Variants in NEK10 observed in about 807,000 individuals in gnomAD.
NEK10 encodes serine/threonine-protein kinase Nek10.
In NEK10, 122 loss-of-function variants were observed where a neutral mutation model predicts 159.8. That is an observed-to-expected ratio of 0.76 (90% CI 0.66 to 0.89). NEK10 has a LOEUF of 0.89. Among genes scored for constraint, NEK10 ranks in the 40% least tolerant of loss-of-function variants. The pLI, the probability that NEK10 is intolerant of heterozygous loss-of-function variation, is 0.00. For missense variants in NEK10, 1,342 were observed against 1,323.1 expected, an observed-to-expected ratio of 1.01 and a Z score of -0.22; for synonymous variants, 466 against 457.1, an observed-to-expected ratio of 1.02 and a Z score of -0.25.
chr3:27,177,750 C>T (rs1204931885), intron 26 of NEK10, among the ~76,000 whole-genome samples: 2 of 152,094 alleles, frequency 1.3e-5, no homozygotes, highest in Non-Finnish European at 2.9e-5. Flanking sequence ...CACTTTAGTC[C>T]ATTTTAAATC....
At chr3:27,122,628 A>G (rs1384424360) in intron 32 of NEK10, among the ~76,000 whole-genome samples, 1 of 152,164 alleles carries the variant, frequency 6.6e-6, no homozygotes, top group East Asian at 1.9e-4. Flanking sequence ...CTTTCAAATG[A>G]CTTCAGATGG....
At chr3:27,114,827 T>A (rs1940150117) in intron 35 of NEK10, among the ~76,000 whole-genome samples, 1 of 151,598 alleles carries the variant, frequency 6.6e-6, no homozygotes, top group Non-Finnish European at 1.5e-5. Flanking sequence ...CCAGATAGAG[T>A]GTGTGTGTGG....
intron 30 of NEK10, among the ~76,000 whole-genome samples, chr3:27,151,834 T>C (rs959777432): frequency 4.6e-5 from 7 of 152,108 alleles, no homozygotes; most frequent in African/African-American, 4.8e-5. Context: ...TCAGGTAACA[T>C]TGGACACACT....
chr3:27,308,089 T>C, intron 10 of NEK10, 144 bp from the exon 11 acceptor site: 2 of 561,574 alleles, frequency 3.6e-6, no homozygotes, highest in Middle Eastern at 4.7e-4. Flanking sequence ...CAGTTCAGCA[T>C]GGCTAGGGAG....
At chr3:27,222,283 G>A (rs1203350003) in intron 23 of NEK10, among the ~76,000 whole-genome samples, 1 of 152,186 alleles carries the variant, frequency 6.6e-6, no homozygotes. Flanking sequence ...TGAGACGGGA[G>A]AATTACTTGA....
At chr3:27,196,564 C>T (rs1223134165) in intron 25 of NEK10, among the ~76,000 whole-genome samples, 1 of 152,136 alleles carries the variant, frequency 6.6e-6, no homozygotes, top group African/African-American at 2.4e-5. Flanking sequence ...CGCTCTAAAC[C>T]TTTACACTCC....
chr3:27,119,621 T>A, intron 33 of NEK10, 139 bp downstream of exon 33: 1 of 607,076 alleles, frequency 1.6e-6, no homozygotes, highest in South Asian at 2.5e-5. Context: ...CTACCATATG[T>A]GCCTTCCAAC....
chr3:27,187,201 T>C (rs898744525), intron 26 of NEK10, among the ~76,000 whole-genome samples: 2 of 152,130 alleles, frequency 1.3e-5, no homozygotes, highest in South Asian at 2.1e-4. Context: ...CAGGGGCCAA[T>C]AGAAGAAGTC....
chr3:27,119,790 C>T lies in NEK10; in HGVS notation c.3160G>A (p.Gly1054Arg), dbSNP rs1177159174. The part of the protein sequence containing the change: ...DYHLLHRSSG[G>R]NSLSPNDPTG... ...GGGTCATTTGGGGACAGGCTGTTTC[C>T]ACCGGATGAACGATGTAATAAATGG... The change falls in exon 33 of 36, where the codon GGA (glycine) becomes AGA (arginine). Residue 1054 changes from glycine (G) to arginine (R), a missense_variant. Gly to Arg is a moderately radical substitution (Grantham distance 125, BLOSUM62 -2). Transcript: ENST00000691995. The T allele has an allele frequency of 4.3e-6, 7 of 1,613,788 alleles. No individual in the cohort carries two copies. In the African/African-American group the frequency reaches 8.0e-5, roughly 18 times the overall value.
chr3:27,207,326 A>T (rs528344146), intron 23 of NEK10, among the ~76,000 whole-genome samples: 1 of 152,310 alleles, frequency 6.6e-6, no homozygotes, highest in African/African-American at 2.4e-5. Flanking sequence ...AGGTATGAGA[A>T]ATTGAAGAAG....
At chr3:27,133,713 G>A (rs1458753586) in intron 31 of NEK10, among the ~76,000 whole-genome samples, 1 of 152,254 alleles carries the variant, frequency 6.6e-6, no homozygotes. Flanking sequence ...GGTGGAGGTT[G>A]TGGTGAGCTG....
chr3:27,285,680 T>C (rs149249862), intron 20 of NEK10, among the ~76,000 whole-genome samples: 539 of 152,290 alleles, frequency 3.5e-3, no homozygotes, highest in African/African-American at 0.012. Context: ...CTAAAACCAA[T>C]AGGGTTTATT....
intron 30 of NEK10, among the ~76,000 whole-genome samples, chr3:27,161,483 C>G (rs1389542066): frequency 6.6e-6 from 1 of 152,146 alleles, no homozygotes; most frequent in Non-Finnish European, 1.5e-5. Flanking sequence ...ATCAAGGAAG[C>G]TGAAGTGAAA....
At position 27,210,771 on chromosome 3, in the gene NEK10, C is replaced by T. The variant is rs1379449103; in HGVS notation, c.2091-8214G>A. On this transcript the variant is annotated intron_variant, in intron 23 of 35. Transcript: ENST00000691995. ...TTATAGACTCAAATTATCAAACCTT[C>T]AGAAGGGTGAGGAAGGAGGAAGTTA... 5.3e-5 allele frequency among the ~76,000 whole-genome samples: 8 copies of T among 152,312 alleles called. No homozygotes were observed. The East Asian group carries it at 9.7e-4, about 18-fold the overall frequency.
At chr3:27,289,929 A>G (rs2042882322) in intron 19 of NEK10, among the ~76,000 whole-genome samples, 1 of 152,258 alleles carries the variant, frequency 6.6e-6, no homozygotes, top group African/African-American at 2.4e-5. Context: ...TGCTATGCAA[A>G]TGTGACCAGT....
At chr3:27,309,293 C>T (rs1347307429) in intron 9 of NEK10, 1 of 181,162 alleles carries the variant, frequency 5.5e-6, no homozygotes, top group Non-Finnish European at 1.1e-5. Flanking sequence ...TCTTTATAAA[C>T]ACTTTTTGTC....
At chr3:27,310,731 GAA>G (rs1439114121) in intron 9 of NEK10, 1 of 405,008 alleles carries the variant, frequency 2.5e-6, no homozygotes, top group East Asian at 3.7e-5. Context: ...GGAAAAAAAA[GAA>G]AAGAGTTCCA....
At chr3:27,351,057 G>A (rs527370633) in intron 3 of NEK10, among the ~76,000 whole-genome samples, 124 of 152,186 alleles carry the variant, frequency 8.1e-4, no homozygotes, top group Admixed American at 3.4e-3. Flanking sequence ...TTTCCAAAGC[G>A]CAGGAGAAAA....
intron 1 of NEK10, among the ~76,000 whole-genome samples, chr3:27,357,673 C>T (rs2048410191): frequency 6.6e-6 from 1 of 152,182 alleles, no homozygotes; most frequent in Non-Finnish European, 1.5e-5. Context: ...TTTATCTGCT[C>T]ATGGACCAGT....
Sources: gnomAD v4.1 joint callset for allele counts (sites outside exome capture counted in the v4.1 genomes callset) on GRCh38, gnomAD v4.1.1 for gene constraint, MANE v1.5 for transcripts, NCBI Gene and HGNC (gene_info 2026-07-23, HGNC 2026-07-21) for gene names.